Variants in AOPEP observed in about 807,000 individuals in gnomAD.
AOPEP encodes the protein aminopeptidase O.
A neutral mutation model predicts 98.1 loss-of-function variants in AOPEP; 77 were observed. The ratio of observed to expected loss-of-function variants is 0.78; its 90% CI spans 0.65 to 0.95. The LOEUF (loss-of-function observed/expected upper bound fraction) is 0.95, where lower values mean the gene tolerates loss of function less well. AOPEP is among the 40% of genes least tolerant of loss of function. The pLI is 0.00. For missense variants in AOPEP, 1,024 were observed against 1,024.7 expected (o/e 1.00, Z 0.01); for synonymous variants, 346 against 365.3 (o/e 0.95, Z 0.60).
the AOPEP span, among the ~76,000 whole-genome samples, chr9:95,132,757 T>C: frequency 1.3e-5 from 2 of 152,246 alleles, no homozygotes; most frequent in African/African-American, 4.8e-5. Context: ...ATGGTCTTAA[T>C]GGAAAATATC....
chr9:94,931,440 C>G (rs1362655894), intron 7 of AOPEP, among the ~76,000 whole-genome samples: 1 of 152,162 alleles, frequency 6.6e-6, no homozygotes, highest in Non-Finnish European at 1.5e-5. Context: ...GGAAATGTTT[C>G]CGAACCTGCC....
In AOPEP at chr9:94,897,771, G is replaced by T. The variant is rs924173019; in HGVS notation, c.1365-26215G>T. Among the ~76,000 whole-genome samples the T allele has an allele frequency of 2.0e-5, 3 of 151,606 alleles. No individual in the cohort carries two copies. The East Asian group carries it at 5.8e-4, about 29-fold the overall frequency. On this transcript the variant is annotated intron_variant, in intron 5 of 16. Transcript: ENST00000375315. The stretch of plus-strand genomic sequence containing the variant: ...AACTGCCATTCTCATTTGTTTTTTT[G>T]TGGGGATAGAAATTGTTGTGACTTC...
the AOPEP span, chr9:95,123,705 A>T: frequency 1.5e-6 from 1 of 685,936 alleles, no homozygotes. Flanking sequence ...TTTGATGCCT[A>T]TGTGCTTCCC....
chr9:94,774,345 T>C (rs564282745), intron 3 of AOPEP, among the ~76,000 whole-genome samples: 2 of 150,108 alleles, frequency 1.3e-5, no homozygotes, highest in East Asian at 3.9e-4. Context: ...GGCATCTCCT[T>C]CCACATATTT....
At chr9:94,884,728 C>T (rs2047985638) in intron 5 of AOPEP, among the ~76,000 whole-genome samples, 1 of 152,158 alleles carries the variant, frequency 6.6e-6, no homozygotes. Context: ...AAATCAGGCA[C>T]TGGCCGGGCG....
At chr9:95,083,280 GCACACACACTGCATGCAGCA>G (rs1213422719) in intron 16 of AOPEP, among the ~76,000 whole-genome samples, 3 of 151,724 alleles carry the variant, frequency 2.0e-5, no homozygotes, top group African/African-American at 7.3e-5. Flanking sequence ...ACCACACGTA[GCACACACACTGCATGCAGCA>G]CACACACACC....
intron 4 of AOPEP, among the ~76,000 whole-genome samples, chr9:94,797,117 A>G (rs958106911): frequency 6.6e-6 from 1 of 152,220 alleles, no homozygotes; most frequent in Non-Finnish European, 1.5e-5. Flanking sequence ...TGCTGAATCT[A>G]TGGAAGACTA....
At chr9:95,149,943 A>C in the AOPEP span, 2 of 1,608,390 alleles carry the variant, frequency 1.2e-6, no homozygotes, top group Non-Finnish European at 1.7e-6. Context: ...CCTCGTTTAC[A>C]GCCTCAAAGA....
intron 13 of AOPEP, among the ~76,000 whole-genome samples, chr9:95,039,402 A>G (rs1049970163): frequency 3.3e-5 from 5 of 152,086 alleles, no homozygotes; most frequent in African/African-American, 1.2e-4. Flanking sequence ...TCCCATCTCT[A>G]CAAAAAAAAA....
intron 5 of AOPEP, among the ~76,000 whole-genome samples, chr9:94,841,169 A>ATTTT (rs67614379): frequency 7.5e-6 from 1 of 133,840 alleles, no homozygotes. Flanking sequence ...GCTCCACACA[A>ATTTT]TTTTTTTTTT....
intron 14 of AOPEP, among the ~76,000 whole-genome samples, chr9:95,079,187 G>A (rs931572984): frequency 6.6e-6 from 1 of 152,188 alleles, no homozygotes; most frequent in East Asian, 1.9e-4. Context: ...ACTGTGGCCT[G>A]GGGGAAGGAT....
chr9:95,149,164 TAACA>T, the AOPEP span, among the ~76,000 whole-genome samples: 6 of 152,270 alleles, frequency 3.9e-5, no homozygotes, highest in Admixed American at 3.3e-4. Flanking sequence ...ATTTTTTAAG[TAACA>T]AACACATTTT....
chr9:94,863,855 A>G (rs2045400609), intron 5 of AOPEP, among the ~76,000 whole-genome samples: 1 of 152,176 alleles, frequency 6.6e-6, no homozygotes, highest in Non-Finnish European at 1.5e-5. Flanking sequence ...GCCTGCACCA[A>G]CTGTCCTTCA....
chr9:95,047,511 A>G (rs1394882412), intron 13 of AOPEP, among the ~76,000 whole-genome samples: 2 of 152,224 alleles, frequency 1.3e-5, no homozygotes, highest in Admixed American at 6.5e-5. Context: ...AGAGTTTAAC[A>G]TGCAGAACTT....
intron 2 of AOPEP, among the ~76,000 whole-genome samples, chr9:94,765,315 A>G (rs1839299887): frequency 6.6e-6 from 1 of 151,674 alleles, no homozygotes; most frequent in Non-Finnish European, 1.5e-5. Context: ...ATAAAAAAAT[A>G]TATGCCAGAT....
chr9:94,928,064 C>T (rs2054636933), intron 6 of AOPEP, among the ~76,000 whole-genome samples: 1 of 152,150 alleles, frequency 6.6e-6, no homozygotes, highest in Non-Finnish European at 1.5e-5. Context: ...GGGGCCTTCC[C>T]CATCCTGTGC....
At chr9:95,101,531 G>A in the AOPEP span, 1 of 762,926 alleles carries the variant, frequency 1.3e-6, no homozygotes, top group South Asian at 1.7e-5. Flanking sequence ...TGAGGGACCT[G>A]GCTCTGCATT....
chr9:94,837,757 C>A lies in AOPEP; in HGVS notation c.1364+36755C>A, dbSNP rs60009927. 6.6e-3 allele frequency among the ~76,000 whole-genome samples: 1,007 copies of A among 152,238 alleles called. 8 individuals are homozygous for A. The highest frequency in any genetic ancestry group is 0.023 in the African/African-American group (969 of 41,540). On this transcript the variant is annotated intron_variant, in intron 5 of 16. Coordinates refer to ENST00000375315, the MANE Select transcript of AOPEP (RefSeq NM_001193329.3). ...ACAAAATTGGCATACGAGGGACATA[C>A]CCCAATGTAAATAAAAGCCATCTAT...
chr9:94,997,355 G>A (rs1172859714), intron 11 of AOPEP, among the ~76,000 whole-genome samples: 1 of 152,182 alleles, frequency 6.6e-6, no homozygotes, highest in Non-Finnish European at 1.5e-5. Context: ...TGGACTTACT[G>A]TAGTAAAGCA....
Sources: gnomAD v4.1 joint callset for allele counts (sites outside exome capture counted in the v4.1 genomes callset) on GRCh38, gnomAD v4.1.1 for gene constraint, MANE v1.5 for transcripts, NCBI Gene and HGNC (gene_info 2026-07-23, HGNC 2026-07-21) for gene names.